SLCO4A1: variants seen among roughly 807,000 people sequenced by gnomAD.
SLCO4A1 encodes the protein solute carrier organic anion transporter family member 4A1.
Under a neutral mutation model 64.6 loss-of-function variants are expected in SLCO4A1, and 51 were observed. The ratio of observed to expected loss-of-function variants is 0.79; its 90% CI spans 0.63 to 1.00. SLCO4A1 has a LOEUF of 1.00. Ranked by LOEUF, SLCO4A1 falls within the 50% of genes least tolerant of loss-of-function variation. The probability of loss-of-function intolerance (pLI) is 0.00; values close to 1 mark genes in which losing one functional copy is unlikely to be tolerated. For synonymous variants in SLCO4A1, 471 were observed against 444.9 expected (o/e 1.06, Z -0.74); for missense variants, 919 against 980.5 (o/e 0.94, Z 0.84).
At chr20:62,668,841 G>A in intron 10 of SLCO4A1, 89 bp from the exon 11 acceptor site, 4 of 1,342,924 alleles carry the variant, frequency 3.0e-6, no homozygotes, top group Non-Finnish European at 3.0e-6. Context: ...CCTTCCCAGA[G>A]CCCATCATTC....
At chr20:62,656,042 T>C (rs537394042) in intron 1 of SLCO4A1, among the ~76,000 whole-genome samples, 5 of 152,206 alleles carry the variant, frequency 3.3e-5, no homozygotes, top group Non-Finnish European at 5.9e-5. Context: ...TCAGTAGGCC[T>C]TGCCCCCGTC....
At chr20:62,662,838 C>G (rs1985278764) in intron 5 of SLCO4A1, among the ~76,000 whole-genome samples, 1 of 51,226 alleles carries the variant, frequency 2.0e-5, no homozygotes, top group South Asian at 1.1e-3. Context: ...CCAGCCCCAT[C>G]CCCCCACACG....
chr20:62,648,497 C>T (rs531985530), intron 1 of SLCO4A1, among the ~76,000 whole-genome samples: 3 of 152,036 alleles, frequency 2.0e-5, no homozygotes, highest in Admixed American at 6.5e-5. Flanking sequence ...CTCCTTCCCA[C>T]CTGCCGGCTG....
chr20:62,653,102 C>G (rs1221022628), intron 1 of SLCO4A1, among the ~76,000 whole-genome samples: 1 of 152,242 alleles, frequency 6.6e-6, no homozygotes, highest in Non-Finnish European at 1.5e-5. Context: ...GGTGTTAGCA[C>G]CCTGCCACCC....
At chr20:62,648,707 G>A (rs566051404) in intron 1 of SLCO4A1, among the ~76,000 whole-genome samples, 5 of 152,192 alleles carry the variant, frequency 3.3e-5, no homozygotes, top group Non-Finnish European at 7.4e-5. Context: ...CCTGGGCAGC[G>A]ATGGTGGTGG....
At position 62,685,560 on chromosome 20, in the gene SLCO4A1, C is replaced by T; in HGVS notation, n.331C>T. 1.8e-6 allele frequency: 1 copy of T among 548,068 alleles called. No homozygotes were observed. Among genetic ancestry groups the T allele is most frequent in the Non-Finnish European group, 2.3e-6 (1 of 430,346 alleles). The allele number at this position is 548,068 out of a possible 1,614,324, so 34.0% of individuals were successfully genotyped here. On this transcript the variant is annotated non_coding_transcript_exon_variant, in exon 3 of 3. Coordinates refer to the SLCO4A1 transcript ENST00000466818. This position sits in a 1 kb window ranked among gnomAD's most constrained non-coding sequence, Gnocchi z 4.6. ...TGGAGTCTCGGCTTTCTGACAACGT[C>T]TTCCAGAGCAGGCTTTCTCTAGAGG...
chr20:62,658,456 T>A (rs1374526587), intron 2 of SLCO4A1, among the ~76,000 whole-genome samples: 1 of 152,260 alleles, frequency 6.6e-6, no homozygotes, highest in African/African-American at 2.4e-5. Flanking sequence ...GGAAAGACAG[T>A]GCACTTGGCT....
At position 62,682,079 on chromosome 20, in the gene SLCO4A1, G is replaced by A. The variant is rs1460432961; in HGVS notation, n.212-3362G>A. On this transcript the variant is annotated intron_variant and non_coding_transcript_variant, in intron 2 of 2. Coordinates refer to the SLCO4A1 transcript ENST00000466818. ...ACCCAGATTTCAGGACCGCATGCCC[G>A]GGAGACTGCTGCGTGCCTCTCCCTC... 3.3e-5 allele frequency among the ~76,000 whole-genome samples: 5 copies of A among 152,182 alleles called. No homozygotes were observed. The South Asian group carries it at 6.2e-4, about 19-fold the overall frequency.
At chr20:62,665,904 A>T (rs1986140714) in intron 6 of SLCO4A1, 2 of 155,880 alleles carry the variant, frequency 1.3e-5, no homozygotes, top group African/African-American at 4.8e-5. Flanking sequence ...ATGCCAGCTA[A>T]TCGCAATTTT....
chr20:62,647,504 A>G (rs928786401), intron 1 of SLCO4A1, among the ~76,000 whole-genome samples: 2 of 152,200 alleles, frequency 1.3e-5, no homozygotes, highest in South Asian at 4.1e-4. Flanking sequence ...GACATCCCCT[A>G]ATGTGGAGGG....
At chr20:62,648,717 G>C (rs1002364134) in intron 1 of SLCO4A1, among the ~76,000 whole-genome samples, 5 of 152,208 alleles carry the variant, frequency 3.3e-5, no homozygotes, top group African/African-American at 4.8e-5. Flanking sequence ...GATGGTGGTG[G>C]TGTGCTGTCA....
At chr20:62,665,181 G>C in intron 6 of SLCO4A1, 93 bp downstream of exon 6, 1 of 1,417,186 alleles carries the variant, frequency 7.1e-7, no homozygotes, top group Non-Finnish European at 9.5e-7. Context: ...CCCAGACAGG[G>C]CACATGGCAG....
In SLCO4A1 at chr20:62,671,819, C is replaced by T. The variant is rs370903804; in HGVS notation, c.2095C>T (p.Leu699=). The change falls in exon 12 of 12, where the codon CTG becomes TTG. Residue 699 remains leucine, a synonymous_variant. Coordinates refer to ENST00000217159, the MANE Select transcript of SLCO4A1 (RefSeq NM_016354.4). The part of the protein sequence containing the change: ...YKPLSESSDG[L]ETCLPSQSSA... ...GCCCCTGTCGGAGTCTTCAGATGGC[C>T]TGGAAACTTGTCTGCCCAGCCAGTC... 1.9e-6 allele frequency: 3 copies of T among 1,613,484 alleles called. No individual in the cohort carries two copies. The highest frequency in any genetic ancestry group is 2.2e-5 in the East Asian group (1 of 44,902).
At chr20:62,667,511 G>C in intron 7 of SLCO4A1, 1 of 536,424 alleles carries the variant, frequency 1.9e-6, no homozygotes, top group Non-Finnish European at 3.3e-6. Flanking sequence ...TCAGGCGGAC[G>C]GTGCTGGGGG....
rs545692299 is a variant in SLCO4A1 at position 62,661,698 on chromosome 20, T to C, written c.1121+523T>C. On this transcript the variant is annotated intron_variant, in intron 5 of 11. Coordinates refer to ENST00000217159, the MANE Select transcript of SLCO4A1 (RefSeq NM_016354.4). The surrounding 1 kb of genome is among the most constrained non-coding windows in gnomAD (Gnocchi z 5.2). ...CCCTCCCTCAGAGTCTCTGAGGACC[T>C]CCCCCCTCTACCCGGCGTGTCCCGC... 2.7e-5 allele frequency among the ~76,000 whole-genome samples: 4 copies of C among 147,252 alleles called. No individual in the cohort carries two copies. The highest frequency in any genetic ancestry group is 7.6e-5 in the African/African-American group (3 of 39,452).
intron 3 of SLCO4A1, among the ~76,000 whole-genome samples, chr20:62,659,991 T>TG (rs1984467277): frequency 2.0e-5 from 3 of 152,224 alleles, no homozygotes; most frequent in African/African-American, 7.2e-5. Flanking sequence ...AGTCCCTTCG[T>TG]GGGGAGCTCT....
intron 1 of SLCO4A1, among the ~76,000 whole-genome samples, chr20:62,654,790 A>G (rs1293983659): frequency 6.6e-6 from 1 of 152,228 alleles, no homozygotes; most frequent in Admixed American, 6.5e-5. Context: ...TTAGCTCCAC[A>G]GTGAAGACAA....
At chr20:62,660,657 C>T in intron 4 of SLCO4A1, 124 bp downstream of exon 4, 2 of 1,188,252 alleles carry the variant, frequency 1.7e-6, no homozygotes, top group South Asian at 1.3e-5. Context: ...GGCACACCCT[C>T]ATTCTCAGTG....
intron 2 of SLCO4A1, among the ~76,000 whole-genome samples, 193 bp downstream of exon 2, chr20:62,657,443 C>T (rs955381835): frequency 1.3e-5 from 2 of 152,354 alleles, no homozygotes; most frequent in Non-Finnish European, 1.5e-5. Context: ...TAAGGGACTC[C>T]GGCTTTCTCA....
Sources: gnomAD v4.1 joint callset for allele counts (sites outside exome capture counted in the v4.1 genomes callset) on GRCh38, gnomAD v4.1.1 for gene constraint, Gnocchi (gnomAD v3.1) non-coding constraint, MANE v1.5 for transcripts, NCBI Gene and HGNC (gene_info 2026-07-23, HGNC 2026-07-21) for gene names.